The following FSTL4 variants were observed in gnomAD, a reference collection of about 807,000 sequenced individuals.
FSTL4 encodes follistatin-related protein 4.
Under a neutral mutation model 78.2 loss-of-function variants are expected in FSTL4, and 28 were observed. The observed-to-expected ratio is 0.36, with a 90% confidence interval of 0.27 to 0.49. FSTL4 has a LOEUF of 0.49. FSTL4 is among the 20% of genes least tolerant of loss of function. FSTL4 has a pLI of 0.98. For synonymous variants in FSTL4, 422 were observed against 440.5 expected (o/e 0.96, Z 0.53); for missense variants, 922 against 1,084.9 (o/e 0.85, Z 2.11).
intron 6 of FSTL4, among the ~76,000 whole-genome samples, chr5:133,298,751 C>A (rs553555876): frequency 9.8e-5 from 15 of 152,342 alleles, no homozygotes; most frequent in African/African-American, 3.6e-4. Context: ...AAGCTTACTG[C>A]CCTCTGCAGA....
At chr5:133,475,176 G>C (rs957269902) in intron 3 of FSTL4, among the ~76,000 whole-genome samples, 2 of 152,136 alleles carry the variant, frequency 1.3e-5, no homozygotes, top group Admixed American at 1.3e-4. Flanking sequence ...TAAGCTTCAG[G>C]CTCCTGTTCC....
At chr5:133,335,610 C>T (rs1315320090) in intron 4 of FSTL4, among the ~76,000 whole-genome samples, 1 of 151,790 alleles carries the variant, frequency 6.6e-6, no homozygotes, top group African/African-American at 2.4e-5. Flanking sequence ...CTAAACTGTC[C>T]CCTGGGGACA....
At chr5:133,682,065 T>C in the FSTL4 span, among the ~76,000 whole-genome samples, 1 of 152,182 alleles carries the variant, frequency 6.6e-6, no homozygotes, top group Admixed American at 6.5e-5. Context: ...TGCTTTGTGA[T>C]ACAGTAAGAG....
At chr5:133,419,341 A>G (rs1756644500) in intron 3 of FSTL4, among the ~76,000 whole-genome samples, 3 of 152,164 alleles carry the variant, frequency 2.0e-5, no homozygotes. Context: ...GATGGTCTCA[A>G]TATCTTGACC....
intron 2 of FSTL4, among the ~76,000 whole-genome samples, chr5:133,580,855 C>T (rs182634586): frequency 3.3e-5 from 5 of 152,314 alleles, no homozygotes; most frequent in African/African-American, 1.2e-4. Flanking sequence ...CTTCCATTTA[C>T]TAAGCAATTA....
chr5:133,202,470 G>A (rs1184127042), intron 14 of FSTL4: 1 of 153,074 alleles, frequency 6.5e-6, no homozygotes, highest in African/African-American at 2.4e-5. Flanking sequence ...TGTAAGCCAG[G>A]CTAGGGAAAG....
intron 4 of FSTL4, among the ~76,000 whole-genome samples, chr5:133,394,266 C>T (rs1755937829): frequency 6.6e-6 from 1 of 152,258 alleles, no homozygotes; most frequent in Non-Finnish European, 1.5e-5. Flanking sequence ...CTTGAGGAGC[C>T]CTTCAGCCCG....
chr5:133,246,022 A>G (rs1183871075), intron 7 of FSTL4, among the ~76,000 whole-genome samples: 1 of 152,178 alleles, frequency 6.6e-6, no homozygotes. Context: ...GAGAGTAGTG[A>G]AAAAGTGGTT....
chr5:133,630,685 C>A, the FSTL4 span, among the ~76,000 whole-genome samples: 3 of 152,136 alleles, frequency 2.0e-5, no homozygotes, highest in East Asian at 3.8e-4. Context: ...ATAGTCAAGA[C>A]AATCCTCAAC....
intron 2 of FSTL4, among the ~76,000 whole-genome samples, chr5:133,573,521 T>C (rs1316925084): frequency 6.6e-6 from 1 of 152,162 alleles, no homozygotes; most frequent in East Asian, 1.9e-4. Context: ...AACAGGAATA[T>C]ATAGCAATTC....
chr5:133,269,999 T>C (rs543821952), intron 6 of FSTL4: 9 of 152,244 alleles, frequency 5.9e-5, no homozygotes, highest in Admixed American at 1.3e-4. Context: ...CAGATCAACC[T>C]TCCCTGGTAG....
the FSTL4 span, among the ~76,000 whole-genome samples, chr5:133,711,541 A>G: frequency 6.6e-6 from 1 of 152,200 alleles, no homozygotes; most frequent in East Asian, 1.9e-4. Context: ...TGTTCCTCCC[A>G]TATGTAGGAG....
the FSTL4 span, among the ~76,000 whole-genome samples, chr5:133,668,286 G>C: frequency 6.6e-6 from 1 of 152,178 alleles, no homozygotes; most frequent in Non-Finnish European, 1.5e-5. Context: ...CAGAGCTTCA[G>C]GGGTCAGGGG....
chr5:133,207,529 T>G (rs1170654238), intron 14 of FSTL4, among the ~76,000 whole-genome samples: 1 of 152,272 alleles, frequency 6.6e-6, no homozygotes, highest in Non-Finnish European at 1.5e-5. Context: ...ATACGAGATA[T>G]TCACTTCTCA....
intron 3 of FSTL4, among the ~76,000 whole-genome samples, chr5:133,406,759 G>A (rs1013546536): frequency 9.2e-5 from 14 of 152,194 alleles, no homozygotes; most frequent in African/African-American, 2.9e-4. Flanking sequence ...TAGAATCTAT[G>A]AGCTCATCTG....
the FSTL4 span, among the ~76,000 whole-genome samples, chr5:133,737,021 T>C: frequency 6.6e-6 from 1 of 152,284 alleles, no homozygotes; most frequent in South Asian, 2.1e-4. Flanking sequence ...AATACGCACA[T>C]CATGGAGAAC....
chr5:133,278,301 T>TG (rs1752933269), intron 6 of FSTL4, among the ~76,000 whole-genome samples: 1 of 152,142 alleles, frequency 6.6e-6, no homozygotes, highest in Non-Finnish European at 1.5e-5. Flanking sequence ...AAAGGGGTCT[T>TG]GTGAAGCCCT....
chr5:133,841,404 C>T, the FSTL4 span, among the ~76,000 whole-genome samples: 4 of 152,218 alleles, frequency 2.6e-5, no homozygotes, highest in Non-Finnish European at 4.4e-5. Flanking sequence ...CAAACTCTTG[C>T]AGAAAGAACA....
intron 4 of FSTL4, among the ~76,000 whole-genome samples, chr5:133,347,200 C>A (rs973918982): frequency 7.9e-5 from 12 of 152,088 alleles, no homozygotes; most frequent in Non-Finnish European, 1.5e-4. Context: ...GTGTGCATTG[C>A]CTGTGGCTGT....
Sources: allele counts gnomAD v4.1 joint callset (sites outside exome capture counted in the v4.1 genomes callset), GRCh38; gene constraint gnomAD v4.1.1; transcripts MANE v1.5; gene names NCBI Gene and HGNC (gene_info 2026-07-23, HGNC 2026-07-21).